DNAH5: variants seen among roughly 807,000 people sequenced by gnomAD.
DNAH5 encodes the protein dynein axonemal heavy chain 5, also known as axonemal beta dynein heavy chain 5.
Under a neutral mutation model 518.2 loss-of-function variants are expected in DNAH5, and 372 were observed. That is an observed-to-expected ratio of 0.72 (90% CI 0.66 to 0.78). The LOEUF (loss-of-function observed/expected upper bound fraction) is 0.78. Ranked by LOEUF, DNAH5 falls within the 30% of genes least tolerant of loss-of-function variation. DNAH5 has a pLI of 0.00. For synonymous variants in DNAH5, 2,039 were observed against 2,025.9 expected (o/e 1.01, Z -0.17); for missense variants, 5,523 against 5,687.0 (o/e 0.97, Z 0.93).
In DNAH5 at chr5:13,844,389, G is replaced by A. The variant is rs138009924; in HGVS notation, c.5271+448C>T. Among the ~76,000 whole-genome samples the A allele has an allele frequency of 1.5e-3, 222 of 152,076 alleles. 3 individuals carry two copies. Among genetic ancestry groups the A allele is most frequent in the African/African-American group, 5.0e-3 (206 of 41,470 alleles). On this transcript the variant is annotated intron_variant, in intron 32 of 78. Coordinates refer to ENST00000265104, the MANE Select transcript of DNAH5 (RefSeq NM_001369.3). The stretch of plus-strand genomic sequence containing the variant: ...TCTCCGTCAAGTTAAATGACCTATC[G>A]TGAGTCTCATGCAGCTTCATGATTC...
chr5:13,733,690 T>C (rs1746932647), intron 68 of DNAH5, among the ~76,000 whole-genome samples: 1 of 152,194 alleles, frequency 6.6e-6, no homozygotes, highest in South Asian at 2.1e-4. Context: ...TCTTTGTTGC[T>C]ACTATAAGAT....
In DNAH5 at chr5:13,839,229, TA is replaced by T. The variant is rs1764825600; in HGVS notation, c.5882+126del. ...GTGAAAAGAAAGCTGATAATAAAGC[TA>T]AAAATACTAAATTTCAAAGGTTTTA... On this transcript the variant is annotated intron_variant, in intron 35 of 78. Transcript: ENST00000265104. 5 of 833,392 alleles carry T rather than the reference TA, an allele frequency of 6.0e-6. No homozygotes were observed. In the South Asian group the frequency reaches 8.0e-5, roughly 13 times the overall value. 51.6% of individuals were successfully genotyped at this position (833,392 alleles called of 1,614,324 possible).
In DNAH5 at chr5:13,720,848, G is replaced by A. The variant is rs534925923; in HGVS notation, c.12279+152C>T. 2.5e-5 allele frequency: 27 copies of A among 1,066,862 alleles called. 1 individual carries two copies. Among genetic ancestry groups the A allele is most frequent in the South Asian group, 2.3e-4 (14 of 61,950 alleles). 66.1% of individuals were successfully genotyped at this position (1,066,862 alleles called of 1,614,324 possible). ...GCCACATTGCCTCAAAAGTTTCAATGTTAGCTTAAATTTAAAAAAAAAACG... is the reference window on the plus strand; with the variant it reads ...GCCACATTGCCTCAAAAGTTTCAATATTAGCTTAAATTTAAAAAAAAAACG... On this transcript the variant is annotated intron_variant, in intron 71 of 78. Coordinates refer to ENST00000265104, the MANE Select transcript of DNAH5 (RefSeq NM_001369.3).
At chr5:13,737,199 T>G in intron 66 of DNAH5, 53 bp downstream of exon 66, 1 of 1,610,716 alleles carries the variant, frequency 6.2e-7, no homozygotes, top group South Asian at 1.1e-5. Flanking sequence ...CTAATTCTCA[T>G]TCCTCTCTCA....
chr5:13,701,522 A>G, intron 76 of DNAH5, 86 bp from the exon 77 acceptor site: 1 of 1,249,046 alleles, frequency 8.0e-7, no homozygotes, highest in African/African-American at 1.5e-5. Context: ...AAAAAAAAAG[A>G]TGAAATATCA....
At chr5:13,936,119 A>T (rs755894785) in intron 1 of DNAH5, among the ~76,000 whole-genome samples, 1 of 152,196 alleles carries the variant, frequency 6.6e-6, no homozygotes, top group Non-Finnish European at 1.5e-5. Context: ...TCCACAGACA[A>T]AGGAGCACTG....
At chr5:13,968,185 T>C (rs1781652519) in intron 1 of DNAH5, among the ~76,000 whole-genome samples, 1 of 152,198 alleles carries the variant, frequency 6.6e-6, no homozygotes, top group Non-Finnish European at 1.5e-5. Flanking sequence ...TCTGCTGAAC[T>C]CATTTATCAG....
chr5:13,718,831 A>G (rs1420123338), intron 72 of DNAH5, 51 bp downstream of exon 72: 1 of 1,478,780 alleles, frequency 6.8e-7, no homozygotes, highest in Non-Finnish European at 9.5e-7. Flanking sequence ...TTTTAGGAAA[A>G]CAATTTAAGT....
chr5:13,952,736 T>C (rs1380053473), intron 1 of DNAH5, among the ~76,000 whole-genome samples: 6 of 152,214 alleles, frequency 3.9e-5, no homozygotes, highest in Admixed American at 3.9e-4. Flanking sequence ...AATATTTACA[T>C]TGCCAAGGAG....
At chr5:13,934,929 G>T (rs963733821) in intron 1 of DNAH5, among the ~76,000 whole-genome samples, 2 of 152,202 alleles carry the variant, frequency 1.3e-5, no homozygotes, top group Non-Finnish European at 2.9e-5. Flanking sequence ...AAGCCAGGAA[G>T]ATGTCCTGTT....
chr5:13,948,322 G>T (rs781454054), upstream of DNAH5, among the ~76,000 whole-genome samples: 3 of 152,086 alleles, frequency 2.0e-5, no homozygotes, highest in Non-Finnish European at 4.4e-5. Flanking sequence ...ATGTTTAAAA[G>T]AGCTTCAATT....
At chr5:13,720,503 C>A (rs1744900794) in intron 71 of DNAH5, among the ~76,000 whole-genome samples, 2 of 152,186 alleles carry the variant, frequency 1.3e-5, no homozygotes, top group African/African-American at 2.4e-5. Context: ...CCACCTCAGA[C>A]TCCAAAGTAG....
intron 75 of DNAH5, among the ~76,000 whole-genome samples, chr5:13,709,220 C>T (rs1328490255): frequency 6.6e-6 from 1 of 152,058 alleles, no homozygotes; most frequent in African/African-American, 2.4e-5. Context: ...ACACAAAATG[C>T]TACAGGATTC....
intron 1 of DNAH5, chr5:13,931,921 A>T (rs991908415): frequency 1.6e-4 from 24 of 154,352 alleles, no homozygotes; most frequent in African/African-American, 5.8e-4. Flanking sequence ...TTTAATACAG[A>T]CTATTCCATC....
chr5:13,731,120 C>G lies in DNAH5; in HGVS notation c.11762-1560G>C, dbSNP rs1239143441. Among the ~76,000 whole-genome samples the G allele has an allele frequency of 3.3e-5, 5 of 152,344 alleles. No individual in the cohort carries two copies. The East Asian group carries it at 9.6e-4, about 29-fold the overall frequency. On this transcript the variant is annotated intron_variant, in intron 68 of 78. Coordinates refer to ENST00000265104, the MANE Select transcript of DNAH5 (RefSeq NM_001369.3). ...CTCAAGATATTTATTGAGCTAATCTCTATTTTATCCAGGCACCATGTACAC... is the reference window on the plus strand; with the variant it reads ...CTCAAGATATTTATTGAGCTAATCTGTATTTTATCCAGGCACCATGTACAC...
Position 13,707,917 on chromosome 5 carries a change from C to T in DNAH5, c.13338+206G>A, listed in dbSNP as rs931741257. On this transcript the variant is annotated intron_variant, in intron 76 of 78. Transcript: ENST00000265104. The surrounding 1 kb of genome is among the most constrained non-coding windows in gnomAD (Gnocchi z 4.0). ...TTAAGTAAAATAACGCATGTAAATG[C>T]CCTAGCAGAGAACCTGATTCGTGGG... Among the ~76,000 whole-genome samples the T allele has an allele frequency of 1.3e-5, 2 of 152,050 alleles. No individual in the cohort carries two copies. Among genetic ancestry groups the T allele is most frequent in the African/African-American group, 4.8e-5 (2 of 41,406 alleles).
intron 44 of DNAH5, among the ~76,000 whole-genome samples, chr5:13,810,792 G>A (rs1026409632): frequency 2.0e-5 from 3 of 151,234 alleles, no homozygotes; most frequent in South Asian, 2.1e-4. Context: ...AGGGTTTATC[G>A]CAGCACTGTT....
intron 32 of DNAH5, among the ~76,000 whole-genome samples, chr5:13,842,445 A>AGAGAGAGAG (rs1561407436): frequency 1.0e-5 from 1 of 97,868 alleles, no homozygotes; most frequent in African/African-American, 4.7e-5. Flanking sequence ...GAAAGAAAGA[A>AGAGAGAGAG]AGAAAGAAAG....
chr5:13,914,551 T>C lies in DNAH5; in HGVS notation c.1289A>G (p.Glu430Gly). ...IWNQPQDVVE[E>G]KILSAIKLKQ... ...CAGTTTAATCGCAGATAGTATTTTT[T>C]CTTCAACAACATCCTGTGGCTGGTT... is the stretch of plus-strand genomic sequence containing the variant. Residue 430 changes from glutamate to glycine, a missense_variant, in exon 10 of 79, where the codon GAA (glutamate) becomes GGA (glycine). Glu to Gly is a moderately conservative substitution (Grantham distance 98). Transcript: ENST00000265104. The C allele has an allele frequency of 6.2e-7, 1 of 1,613,458 alleles. No homozygotes were observed. Among genetic ancestry groups the C allele is most frequent in the Non-Finnish European group, 8.5e-7 (1 of 1,179,516 alleles).
Sources: allele counts gnomAD v4.1 joint callset (sites outside exome capture counted in the v4.1 genomes callset), GRCh38; gene constraint gnomAD v4.1.1; non-coding constraint Gnocchi (gnomAD v3.1); transcripts MANE v1.5; gene names NCBI Gene and HGNC (gene_info 2026-07-23, HGNC 2026-07-21).